The following FAM135A variants were observed in gnomAD, a reference collection of about 807,000 sequenced individuals.
The protein encoded by FAM135A is protein FAM135A.
In FAM135A, 79 loss-of-function variants were observed where a neutral mutation model predicts 146.8. That is an observed-to-expected ratio of 0.54 (90% CI 0.45 to 0.65). The LOEUF (loss-of-function observed/expected upper bound fraction) is 0.65. Ranked by LOEUF, FAM135A falls within the 30% of genes least tolerant of loss-of-function variation. The pLI is 0.00. For synonymous variants in FAM135A, 562 were observed against 603.6 expected, an observed-to-expected ratio of 0.93 and a Z score of 1.01; for missense variants, 1,623 against 1,758.2, an observed-to-expected ratio of 0.92 and a Z score of 1.38.
At chr6:70,529,363 A>T (rs2128380439) in intron 16 of FAM135A, among the ~76,000 whole-genome samples, 1 of 151,510 alleles carries the variant, frequency 6.6e-6, no homozygotes, top group Middle Eastern at 3.4e-3. Flanking sequence ...GCAGCAAACT[A>T]GATTTTTGTG....
At chr6:70,502,929 G>C in intron 12 of FAM135A, 138 bp downstream of exon 12, 1 of 870,762 alleles carries the variant, frequency 1.1e-6, no homozygotes, top group East Asian at 2.7e-5. Context: ...GTTATTGTTT[G>C]ACTTCCAAAA....
chr6:70,513,844 C>T (rs1791605447), intron 12 of FAM135A, among the ~76,000 whole-genome samples: 1 of 152,018 alleles, frequency 6.6e-6, no homozygotes, highest in Admixed American at 6.6e-5. Flanking sequence ...CCATTATCTT[C>T]TGGCCTCTGT....
chr6:70,505,151 G>A (rs1018196309), intron 12 of FAM135A, among the ~76,000 whole-genome samples: 1 of 151,686 alleles, frequency 6.6e-6, no homozygotes. Flanking sequence ...TATAGACATA[G>A]TATTCTTTTA....
rs938484798 is a variant in FAM135A at position 70,556,825 on chromosome 6, T to C, written c.4304T>C (p.Ile1435Thr). 6.2e-7 allele frequency: 1 copy of C among 1,613,976 alleles called. No homozygotes were observed. Among genetic ancestry groups the C allele is most frequent in the Non-Finnish European group, 8.5e-7 (1 of 1,180,002 alleles). The change falls in exon 21 of 22, where the codon ATT (isoleucine) becomes ACT (threonine). Residue 1435 changes from isoleucine to threonine, a missense_variant. Physicochemically the swap from Ile to Thr is moderately conservative, Grantham distance 89 (BLOSUM62 -1). Transcript: ENST00000418814. ...DRYVPYHSAR[I>T]EMCKTALKDK... ...TATGTTCCTTATCACTCTGCCCGCA[T>C]TGAAATGTGTAAAACAGCTTTAAAG...
intron 20 of FAM135A, among the ~76,000 whole-genome samples, chr6:70,553,118 C>T (rs1376286984): frequency 6.6e-6 from 1 of 152,046 alleles, no homozygotes; most frequent in Non-Finnish European, 1.5e-5. Context: ...ATTGGGGAAG[C>T]CATTATTAGA....
intron 4 of FAM135A, among the ~76,000 whole-genome samples, chr6:70,430,624 G>A (rs996681911): frequency 2.6e-5 from 4 of 152,208 alleles, no homozygotes; most frequent in Admixed American, 6.5e-5. Context: ...TTAGAATTCT[G>A]TGGGATCATG....
intron 20 of FAM135A, among the ~76,000 whole-genome samples, chr6:70,543,945 T>C (rs1488546116): frequency 1.3e-5 from 2 of 152,188 alleles, no homozygotes; most frequent in African/African-American, 4.8e-5. Flanking sequence ...ACATCACACA[T>C]AGGTATTAGT....
At chr6:70,429,639 C>G (rs1771035487) in intron 4 of FAM135A, among the ~76,000 whole-genome samples, 1 of 151,996 alleles carries the variant, frequency 6.6e-6, no homozygotes, top group Non-Finnish European at 1.5e-5. Flanking sequence ...ACTTTAATGT[C>G]TAGAGAAGAG....
intron 4 of FAM135A, among the ~76,000 whole-genome samples, chr6:70,429,553 T>C (rs942875508): frequency 3.3e-5 from 5 of 151,872 alleles, no homozygotes; most frequent in Admixed American, 6.6e-5. Context: ...AAAAAGAATA[T>C]TTAGGAAATT....
At chr6:70,552,954 A>G (rs1800121476) in intron 20 of FAM135A, among the ~76,000 whole-genome samples, 1 of 152,176 alleles carries the variant, frequency 6.6e-6, no homozygotes, top group Non-Finnish European at 1.5e-5. Flanking sequence ...AAGCACTAAC[A>G]TATTTTTAAT....
At chr6:70,485,028 T>A (rs1467655215) in intron 10 of FAM135A, among the ~76,000 whole-genome samples, 2 of 152,224 alleles carry the variant, frequency 1.3e-5, no homozygotes, top group Admixed American at 1.3e-4. Context: ...AATGTCAACT[T>A]TATTCCAAAT....
Position 70,536,335 on chromosome 6 carries a change from C to T in FAM135A, c.4041C>T (p.Asn1347=), listed in dbSNP as rs1282630353. ...GGCCAAGGTTTAAATATTACCTCAACAAACTTCATACCTTTCTGTCTCTTT... is the reference window on the plus strand; with the variant it reads ...GGCCAAGGTTTAAATATTACCTCAATAAACTTCATACCTTTCTGTCTCTTT... ...LTRPRFKYYL[N]KLHTFLSLSG... is the part of the protein sequence containing the mutation. The change falls in exon 19 of 22, where the codon AAC becomes AAT. Residue 1347 remains asparagine, a synonymous_variant. Coordinates refer to ENST00000418814, the MANE Select transcript of FAM135A (RefSeq NM_001162529.3). 1 of 1,613,428 alleles carries T rather than the reference C, an allele frequency of 6.2e-7. No homozygotes were observed. The highest frequency in any genetic ancestry group is 1.3e-5 in the African/African-American group (1 of 75,012).
In FAM135A at chr6:70,463,907, T is replaced by G. The variant is rs73476884; in HGVS notation, c.157+11336T>G. On this transcript the variant is annotated intron_variant, in intron 5 of 21. Coordinates refer to ENST00000418814, the MANE Select transcript of FAM135A (RefSeq NM_001162529.3). ...GCCCTTTAATTGTCTTTTTACCTGG[T>G]TTAAGAGATAGTGTTAGATTGCTAT... Among the ~76,000 whole-genome samples the G allele has an allele frequency of 4.1e-3, 619 of 152,308 alleles. 3 individuals carry two copies. Among genetic ancestry groups the G allele is most frequent in the African/African-American group, 0.014 (599 of 41,564 alleles).
chr6:70,514,015 A>G (rs751772130), intron 12 of FAM135A, among the ~76,000 whole-genome samples: 10 of 151,538 alleles, frequency 6.6e-5, no homozygotes, highest in South Asian at 2.1e-4. Flanking sequence ...TATCTTGCTT[A>G]GGATTTGCTG....
intron 4 of FAM135A, among the ~76,000 whole-genome samples, chr6:70,444,858 AAC>A (rs1488095151): frequency 1.3e-5 from 2 of 152,190 alleles, no homozygotes; most frequent in Non-Finnish European, 2.9e-5. Flanking sequence ...AAAATTTTTT[AAC>A]AGTTTATTGA....
intron 4 of FAM135A, among the ~76,000 whole-genome samples, chr6:70,436,345 G>A (rs62420326): frequency 0.14 from 20,962 of 152,128 alleles, 1,884 homozygotes; most frequent in Middle Eastern, 0.22. Flanking sequence ...TCGATAAGAA[G>A]TTAATTGGTT....
intron 2 of FAM135A, among the ~76,000 whole-genome samples, chr6:70,420,690 A>G (rs919968087): frequency 2.0e-5 from 3 of 152,228 alleles, no homozygotes; most frequent in Admixed American, 6.5e-5. Context: ...TTTTCTAATA[A>G]CCACATTTAA....
rs1801692503 is a variant in FAM135A, at chr6:70,560,360, T to C, written c.*439T>C. On this transcript the variant is annotated 3_prime_UTR_variant, in exon 22 of 22. Transcript: ENST00000418814. ...ATTTTTCTTTTCACATTTTACTGTG[T>C]TTTAACTGGAAATAAAATTATGGCT... 6.5e-6 allele frequency: 1 copy of C among 153,224 alleles called. No homozygotes were observed. The highest frequency in any genetic ancestry group is 2.4e-5 in the African/African-American group (1 of 41,464). 9.5% of individuals were successfully genotyped at this position (153,224 alleles called of 1,614,324 possible). A position where few individuals can be genotyped will look rare whatever the true frequency, so the allele number is the denominator to read the frequency against.
intron 20 of FAM135A, among the ~76,000 whole-genome samples, chr6:70,544,724 G>A (rs9446261): frequency 0.025 from 3,851 of 151,294 alleles, 167 homozygotes; most frequent in African/African-American, 0.089. Flanking sequence ...GGGGGATAGA[G>A]CCAGACTTTG....
Sources: gnomAD v4.1 joint callset for allele counts (sites outside exome capture counted in the v4.1 genomes callset) on GRCh38, gnomAD v4.1.1 for gene constraint, MANE v1.5 for transcripts, NCBI Gene and HGNC (gene_info 2026-07-23, HGNC 2026-07-21) for gene names.